The following IL27 variants were observed in gnomAD, a reference collection of about 807,000 sequenced individuals.
IL27 encodes interleukin 27.
Under a neutral mutation model 27.0 loss-of-function variants are expected in IL27, and 11 were observed. That is an observed-to-expected ratio of 0.41 (90% CI 0.26 to 0.67). The LOEUF (loss-of-function observed/expected upper bound fraction) is 0.67. Ranked by LOEUF, IL27 falls within the 30% of genes least tolerant of loss-of-function variation. IL27 has a pLI of 0.34. For synonymous variants in IL27, 134 were observed against 140.6 expected (o/e 0.95, Z 0.33); for missense variants, 299 against 310.4 (o/e 0.96, Z 0.28).
In IL27 at chr16:28,499,580, G is replaced by T. The variant is rs1047725610; in HGVS notation, c.*71C>A. 11 of 1,296,120 alleles carry T rather than the reference G, an allele frequency of 8.5e-6. No homozygotes were observed. The highest frequency in any genetic ancestry group is 2.1e-5 in the Admixed American group (1 of 48,024). 80.3% of individuals were successfully genotyped at this position (1,296,120 alleles called of 1,614,324 possible). Reference sequence around the variant, plus strand: ...CTTGTCCAAGGCTGATGATGCGAAGGCTGCCCTGATGCCAAGACTCCAGTC... The same window carrying T: ...CTTGTCCAAGGCTGATGATGCGAAGTCTGCCCTGATGCCAAGACTCCAGTC... On this transcript the variant is annotated 3_prime_UTR_variant, in exon 5 of 5. Transcript: ENST00000356897.
chr16:28,505,954 T>C (rs952879750), intron 1 of IL27, among the ~76,000 whole-genome samples: 1 of 152,082 alleles, frequency 6.6e-6, no homozygotes, highest in Non-Finnish European at 1.5e-5. Flanking sequence ...GGGCGATGCC[T>C]AACGTAAGAT....
intron 4 of IL27, 22 bp from the exon 5 acceptor site, chr16:28,499,942 C>T (rs906886103): frequency 6.6e-7 from 1 of 1,526,572 alleles, no homozygotes; most frequent in African/African-American, 1.4e-5. Context: ...GGCCATGGGT[C>T]AGGGAGGGGC....
At chr16:28,503,102 G>A (rs761686923) in intron 3 of IL27, among the ~76,000 whole-genome samples, 1 of 152,044 alleles carries the variant, frequency 6.6e-6, no homozygotes, top group African/African-American at 2.4e-5. Flanking sequence ...GATTACAGTC[G>A]TGAGCCACTG....
Position 28,499,559 on chromosome 16 carries a change from T to G in IL27, c.*92A>C. ...AGGGGGCTGGAAGAGCCCTCCCTTG[T>G]CCAAGGCTGATGATGCGAAGGCTGC... On this transcript the variant is annotated 3_prime_UTR_variant, in exon 5 of 5. Coordinates refer to ENST00000356897, the MANE Select transcript of IL27 (RefSeq NM_145659.3). The G allele has an allele frequency of 9.6e-7, 1 of 1,046,348 alleles. No homozygotes were observed. The allele number at this position is 1,046,348 out of a possible 1,614,324, so 64.8% of individuals were successfully genotyped here.
chr16:28,502,723 A>G (rs1486525026), intron 3 of IL27, among the ~76,000 whole-genome samples: 1 of 151,916 alleles, frequency 6.6e-6, no homozygotes, highest in Non-Finnish European at 1.5e-5. Flanking sequence ...TGCTGCTGTG[A>G]TCTGTCTCCA....
intron 1 of IL27, among the ~76,000 whole-genome samples, chr16:28,506,209 T>G (rs1345408253): frequency 1.3e-5 from 2 of 152,190 alleles, no homozygotes; most frequent in Non-Finnish European, 2.9e-5. Context: ...TTGAAGGCTC[T>G]GTCTCCATCC....
Position 28,502,151 on chromosome 16 carries a change from T to C in IL27, c.304-17A>G, listed in dbSNP as rs763869157. 2 of 1,574,784 alleles carry C rather than the reference T, an allele frequency of 1.3e-6. No individual in the cohort carries two copies. Among genetic ancestry groups the C allele is most frequent in the Non-Finnish European group, 1.7e-6 (2 of 1,158,750 alleles). Reference sequence around the variant, plus strand: ...CTCCGGGTCCTGAAGGGGAGGGAGATGGTCAGGAAAGGTCCACAGGCCAAG... The same window carrying C: ...CTCCGGGTCCTGAAGGGGAGGGAGACGGTCAGGAAAGGTCCACAGGCCAAG... On this transcript the variant is annotated splice_polypyrimidine_tract_variant and intron_variant, in intron 3 of 4. Coordinates refer to ENST00000356897, the MANE Select transcript of IL27 (RefSeq NM_145659.3).
intron 1 of IL27, 79 bp downstream of exon 1, chr16:28,506,702 C>A: frequency 7.2e-7 from 1 of 1,391,770 alleles, no homozygotes; most frequent in Non-Finnish European, 9.9e-7. Context: ...CAGCTCTCGA[C>A]CCCCCATCTG....
chr16:28,504,573 C>G (rs1016398852), intron 1 of IL27, among the ~76,000 whole-genome samples: 7 of 148,638 alleles, frequency 4.7e-5, no homozygotes, highest in Non-Finnish European at 7.4e-5. Context: ...TGCAAAAAGA[C>G]CAGAAGCCTG....
In IL27 at chr16:28,503,931, G is replaced by A. The variant is rs2046447892; in HGVS notation, c.151C>T (p.Leu51=). 1 of 1,614,086 alleles carries A rather than the reference G, an allele frequency of 6.2e-7. No homozygotes were observed. The highest frequency in any genetic ancestry group is 1.7e-5 in the Admixed American group (1 of 59,998). ...QELRREFTVS[L]HLARKLLSEV... is the part of the protein sequence containing the mutation. ...GAGAGCAGCTTCCTGGCGAGATGCA[G>A]GCTGACTGTGAACTCCCTCCGCAGC... The change falls in exon 2 of 5, where the codon CTG becomes TTG. Residue 51 remains leucine (L), a synonymous_variant. Coordinates refer to ENST00000356897, the MANE Select transcript of IL27 (RefSeq NM_145659.3).
At chr16:28,503,563 T>C (rs113866824) in intron 3 of IL27, 132 bp downstream of exon 3, 398 of 670,210 alleles carry the variant, frequency 5.9e-4, no homozygotes, top group Admixed American at 9.2e-4. Context: ...TTCATCTCTA[T>C]GTCCAATGAC....
chr16:28,503,828 G>C (rs1173399612), intron 2 of IL27, 35 bp from the exon 3 acceptor site: 2 of 1,611,708 alleles, frequency 1.2e-6, no homozygotes, highest in Admixed American at 3.3e-5. Context: ...GGGCCAGAAG[G>C]GATTGGGGGT....
intron 4 of IL27, 31 bp from the exon 5 acceptor site, chr16:28,499,951 G>A (rs2046421596): frequency 1.9e-5 from 29 of 1,514,054 alleles, no homozygotes; most frequent in South Asian, 5.0e-5. Flanking sequence ...TCAGGGAGGG[G>A]CCAGGCCGAG....
intron 3 of IL27, among the ~76,000 whole-genome samples, chr16:28,503,408 C>A (rs2046444383): frequency 6.6e-6 from 1 of 152,194 alleles, no homozygotes; most frequent in Admixed American, 6.5e-5. Flanking sequence ...CACCACCATG[C>A]CTGGCTAACT....
In IL27 at chr16:28,499,747, G is replaced by A. The variant is rs1201459095; in HGVS notation, c.636C>T (p.Leu212=). The part of the protein sequence containing the change: ...STYRLLHSLE[L]VLSRAVRELL... ...ACTCCCGCACGGCCCGAGATAAGACGAGCTCCAAGGAGTGCAGCAGGCGGT... is the reference window on the plus strand; with the variant it reads ...ACTCCCGCACGGCCCGAGATAAGACAAGCTCCAAGGAGTGCAGCAGGCGGT... The change falls in exon 5 of 5, where the codon CTC becomes CTT. Residue 212 remains leucine, a synonymous_variant. Transcript: ENST00000356897. 2.5e-5 allele frequency: 40 copies of A among 1,613,200 alleles called. No individual in the cohort carries two copies. The highest frequency in any genetic ancestry group is 3.1e-5 in the Non-Finnish European group (36 of 1,179,756).
At chr16:28,504,972 C>T (rs2046453489) in intron 1 of IL27, among the ~76,000 whole-genome samples, 1 of 152,218 alleles carries the variant, frequency 6.6e-6, no homozygotes, top group Non-Finnish European at 1.5e-5. Context: ...AGCCTCAGTG[C>T]TATTGTTCTC....
At chr16:28,502,825 A>G (rs1298816381) in intron 3 of IL27, among the ~76,000 whole-genome samples, 3 of 151,574 alleles carry the variant, frequency 2.0e-5, no homozygotes, top group Admixed American at 1.3e-4. Flanking sequence ...CTTCATCTTT[A>G]TTGTTGGTTT....
intron 1 of IL27, among the ~76,000 whole-genome samples, chr16:28,504,282 A>C (rs1054655448): frequency 6.6e-6 from 1 of 152,208 alleles, no homozygotes; most frequent in Non-Finnish European, 1.5e-5. Flanking sequence ...GTTCAAGACC[A>C]GCCTGGCCAA....
rs566718598 is a variant in IL27 at position 28,500,314 on chromosome 16, G to A, written c.463-394C>T. On this transcript the variant is annotated intron_variant, in intron 4 of 4. Coordinates refer to ENST00000356897, the MANE Select transcript of IL27 (RefSeq NM_145659.3). ...TCTTTCTTGGGAGCCCCGCTCTGTC[G>A]CCCAGGCTGGAGTGCAGTGGGGTGA... 4.0e-5 allele frequency among the ~76,000 whole-genome samples: 6 copies of A among 151,824 alleles called. No homozygotes were observed. In the South Asian group the frequency reaches 1.0e-3, roughly 26 times the overall value.
Sources: allele counts gnomAD v4.1 joint callset (sites outside exome capture counted in the v4.1 genomes callset), GRCh38; gene constraint gnomAD v4.1.1; transcripts MANE v1.5; gene names NCBI Gene and HGNC (gene_info 2026-07-23, HGNC 2026-07-21).